TGFBR2: variants seen among roughly 807,000 people sequenced by gnomAD.
The protein encoded by TGFBR2 is transforming growth factor beta receptor 2, also known as TGF-beta receptor type-2.
A neutral mutation model predicts 49.0 loss-of-function variants in TGFBR2; 18 were observed. The ratio of observed to expected loss-of-function variants is 0.37; its 90% CI spans 0.25 to 0.54. TGFBR2 has a LOEUF of 0.54. Ranked by LOEUF, TGFBR2 falls within the 20% of genes least tolerant of loss-of-function variation. TGFBR2 has a pLI of 0.85. For missense variants in TGFBR2, 525 were observed against 722.6 expected (o/e 0.73, Z 3.13); for synonymous variants, 282 against 275.9 (o/e 1.02, Z -0.22).
intron 1 of TGFBR2, among the ~76,000 whole-genome samples, chr3:30,638,351 C>T (rs1698580879): frequency 6.6e-6 from 1 of 152,140 alleles, no homozygotes; most frequent in Non-Finnish European, 1.5e-5. Flanking sequence ...AGTATTATTA[C>T]TACAAAAATA....
intron 3 of TGFBR2, among the ~76,000 whole-genome samples, chr3:30,651,320 C>T (rs547446936): frequency 1.3e-5 from 2 of 152,220 alleles, no homozygotes; most frequent in Middle Eastern, 3.4e-3. Flanking sequence ...GATGCACACA[C>T]GTCTCTATCA....
Position 30,643,594 on chromosome 3 carries a change from C to CT in TGFBR2, c.95-1152dup, listed in dbSNP as rs549436925. Among the ~76,000 whole-genome samples, 340 of 152,272 alleles carry CT rather than the reference C, an allele frequency of 2.2e-3. 1 individual carries two copies. The highest frequency in any genetic ancestry group is 3.9e-3 in the Non-Finnish European group (264 of 68,020). ...AATCTGAGTGAAGAAGTTCTGTATC[C>CT]TATCCTACATGGCATCAAGGGCCAA... On this transcript the variant is annotated intron_variant, in intron 1 of 6. Transcript: ENST00000295754.
At position 30,606,694 on chromosome 3, in the gene TGFBR2, T is replaced by G; in HGVS notation, c.-190T>G. ...CAGCTTCCCTCGGCCGCCGGGGGCCTCCCCGCGCCTCGCCGGCCTCCAGGC... is the reference window on the plus strand; with the variant it reads ...CAGCTTCCCTCGGCCGCCGGGGGCCGCCCCGCGCCTCGCCGGCCTCCAGGC... On this transcript the variant is annotated 5_prime_UTR_variant, in exon 1 of 7. Transcript: ENST00000295754. 1 of 393,820 alleles carries G rather than the reference T, an allele frequency of 2.5e-6. No individual in the cohort carries two copies. Among genetic ancestry groups the G allele is most frequent in the Non-Finnish European group, 4.4e-6 (1 of 225,410 alleles). The allele number at this position is 393,820 out of a possible 1,614,324, so 24.4% of individuals were successfully genotyped here.
intron 2 of TGFBR2, among the ~76,000 whole-genome samples, chr3:30,649,424 G>A (rs1698838656): frequency 6.6e-6 from 1 of 152,200 alleles, no homozygotes; most frequent in South Asian, 2.1e-4. Context: ...GGCCAATTGA[G>A]CATTTCCTAG....
chr3:30,616,603 T>G (rs6762202), intron 1 of TGFBR2, among the ~76,000 whole-genome samples: 1,818 of 152,370 alleles, frequency 0.012, 35 homozygotes, highest in African/African-American at 0.041. Flanking sequence ...CAGTATTTTC[T>G]CTTCTGAAAC....
intron 3 of TGFBR2, among the ~76,000 whole-genome samples, chr3:30,669,112 C>G (rs1056900812): frequency 2.4e-4 from 17 of 70,680 alleles, no homozygotes; most frequent in African/African-American, 1.0e-3. Flanking sequence ...CCCGTCTCCA[C>G]TAAAAATACA....
Position 30,650,398 on chromosome 3 carries a change from A to G in TGFBR2, c.392A>G (p.Glu131Gly). Residue 131 changes from glutamate to glycine, a missense_variant, in exon 3 of 7, where the codon GAG becomes GGG. By Grantham distance (98) the Glu-to-Gly change is moderately conservative. Transcript: ENST00000295754. ...ATGAAGGAAAAAAAAAAGCCTGGTG[A>G]GACTTTCTTCATGTGTTCCTGTAGC... ...CIMKEKKKPG[E>G]TFFMCSCSSD... 6.2e-7 allele frequency: 1 copy of G among 1,613,456 alleles called. No individual in the cohort carries two copies. Among genetic ancestry groups the G allele is most frequent in the Non-Finnish European group, 8.5e-7 (1 of 1,179,858 alleles).
At chr3:30,634,330 A>G (rs1245131681) in intron 1 of TGFBR2, among the ~76,000 whole-genome samples, 1 of 152,236 alleles carries the variant, frequency 6.6e-6, no homozygotes, top group African/African-American at 2.4e-5. Context: ...TTTGAGATAA[A>G]GAATTGTTTA....
chr3:30,636,037 G>A (rs1412791933), intron 1 of TGFBR2, among the ~76,000 whole-genome samples: 5 of 152,196 alleles, frequency 3.3e-5, no homozygotes, highest in African/African-American at 1.2e-4. Flanking sequence ...CCATAGGAGG[G>A]TAGGGACCAA....
At chr3:30,623,101 A>G (rs1021032991) in intron 1 of TGFBR2, 1 of 727,446 alleles carries the variant, frequency 1.4e-6, no homozygotes, top group African/African-American at 1.8e-5. Context: ...TCTCACAGTA[A>G]TAGAAAGCTT....
intron 3 of TGFBR2, among the ~76,000 whole-genome samples, chr3:30,663,483 A>T (rs925491964): frequency 1.6e-4 from 25 of 152,208 alleles, no homozygotes; most frequent in African/African-American, 6.0e-4. Flanking sequence ...AACATTTTTT[A>T]AAGATTCTGG....
intron 1 of TGFBR2, among the ~76,000 whole-genome samples, 193 bp from the exon 2 acceptor site, chr3:30,644,554 C>G (rs573831684): frequency 2.6e-5 from 4 of 152,112 alleles, no homozygotes; most frequent in Non-Finnish European, 4.4e-5. Flanking sequence ...CCCCTCACCA[C>G]GGTACAATGG....
At chr3:30,621,854 A>C (rs1042881477) in intron 1 of TGFBR2, among the ~76,000 whole-genome samples, 2 of 152,172 alleles carry the variant, frequency 1.3e-5, no homozygotes, top group African/African-American at 4.8e-5. Context: ...TTCAGGGGAC[A>C]GGAGAGAATA....
chr3:30,670,590 G>T (rs1699319571), intron 3 of TGFBR2, among the ~76,000 whole-genome samples: 1 of 152,182 alleles, frequency 6.6e-6, no homozygotes, highest in Non-Finnish European at 1.5e-5. Context: ...CCTGTCCACT[G>T]TCTGTTTCTA....
At chr3:30,641,312 T>G (rs1171315896) in intron 1 of TGFBR2, among the ~76,000 whole-genome samples, 1 of 152,196 alleles carries the variant, frequency 6.6e-6, no homozygotes, top group African/African-American at 2.4e-5. Flanking sequence ...CCTCTGAACT[T>G]AACTACCTAT....
chr3:30,650,238 C>T (rs2125409675), intron 2 of TGFBR2, 32 bp from the exon 3 acceptor site: 2 of 1,601,918 alleles, frequency 1.2e-6, no homozygotes, highest in Middle Eastern at 1.7e-4. Context: ...CTCTCCCTCT[C>T]CCCTCGCTTC....
At position 30,674,247 on chromosome 3, in the gene TGFBR2, G is replaced by A. The variant is rs528566980; in HGVS notation, c.1396+1G>A. The A allele has an allele frequency of 6.2e-7, 1 of 1,614,092 alleles. No individual in the cohort carries two copies. Among genetic ancestry groups the A allele is most frequent in the African/African-American group, 1.3e-5 (1 of 75,032 alleles). On this transcript the variant is annotated splice_donor_variant, in intron 5 of 6. Transcript: ENST00000295754. LOFTEE classifies it high-confidence loss of function. ...ACATCTCGCTGTAATGCAGTGGGAG[G>A]TAGGTGTGGACCAGCATCATTGTGT...
At chr3:30,657,097 G>C (rs1316006532) in intron 3 of TGFBR2, among the ~76,000 whole-genome samples, 1 of 152,174 alleles carries the variant, frequency 6.6e-6, no homozygotes, top group Non-Finnish European at 1.5e-5. Context: ...GATTTTCCAA[G>C]ATCTCATAGT....
At chr3:30,625,702 C>T (rs1698320628) in intron 1 of TGFBR2, among the ~76,000 whole-genome samples, 1 of 152,204 alleles carries the variant, frequency 6.6e-6, no homozygotes, top group South Asian at 2.1e-4. Context: ...CCTGCCTCAT[C>T]TCCAAATGGT....
Sources: allele counts gnomAD v4.1 joint callset (sites outside exome capture counted in the v4.1 genomes callset), GRCh38; gene constraint gnomAD v4.1.1; transcripts MANE v1.5; gene names NCBI Gene and HGNC (gene_info 2026-07-23, HGNC 2026-07-21).